VPS13B: variants seen among roughly 807,000 people sequenced by gnomAD.
VPS13B encodes intermembrane lipid transfer protein VPS13B.
In VPS13B, 285 loss-of-function variants were observed where a neutral mutation model predicts 426.4. That is an observed-to-expected ratio of 0.67 (90% CI 0.61 to 0.74). The LOEUF (loss-of-function observed/expected upper bound fraction) is 0.74, where lower values mean the gene tolerates loss of function less well. Ranked by LOEUF, VPS13B falls within the 30% of genes least tolerant of loss-of-function variation. The probability of loss-of-function intolerance (pLI) is 0.00; values close to 1 mark genes in which losing one functional copy is unlikely to be tolerated. For synonymous variants in VPS13B, 1,676 were observed against 1,676.4 expected (o/e 1.00, Z 0.01); for missense variants, 4,537 against 4,782.6 (o/e 0.95, Z 1.51).
intron 3 of VPS13B, among the ~76,000 whole-genome samples, chr8:99,064,956 A>G (rs2132311763): frequency 6.6e-6 from 1 of 152,352 alleles, no homozygotes; most frequent in South Asian, 2.1e-4. Context: ...CCAATATTCA[A>G]CATTCTTAAA....
At chr8:99,858,457 C>T (rs1305297523) in intron 56 of VPS13B, among the ~76,000 whole-genome samples, 1 of 152,184 alleles carries the variant, frequency 6.6e-6, no homozygotes, top group African/African-American at 2.4e-5. Context: ...TCACTAACCT[C>T]ATCAGAATGT....
At position 99,720,882 on chromosome 8, in the gene VPS13B, G is replaced by A. The variant is rs1588654731; in HGVS notation, c.6885G>A (p.Gly2295=). ...TGACAGAATCTTTGAAATTGCCTGG[G>A]GTCTATGAAGTCTTATTTTATAATG... ...VQDAESLKLP[G]VYEVLFYNET... The change falls in exon 39 of 62, where the codon GGG becomes GGA. Residue 2295 remains glycine, a synonymous_variant. Coordinates refer to ENST00000357162, the MANE Select transcript of VPS13B (RefSeq NM_152564.5). 6.2e-7 allele frequency: 1 copy of A among 1,613,428 alleles called. No individual in the cohort carries two copies. The highest frequency in any genetic ancestry group is 8.5e-7 in the Non-Finnish European group (1 of 1,179,782).
At chr8:99,689,405 G>A (rs1474383760) in intron 35 of VPS13B, among the ~76,000 whole-genome samples, 2 of 152,152 alleles carry the variant, frequency 1.3e-5, no homozygotes, top group Non-Finnish European at 2.9e-5. Context: ...ATATCAGTAG[G>A]TGCCTGGTAA....
rs1163063921 is a variant in VPS13B, at chr8:99,114,532, T to G, written c.763-1168T>G. Reference sequence around the variant, plus strand: ...CAGTGCTATTGGTGCAATACAAGATTTAAAAGAATGTGACAGAGGAATTTC... The same window carrying G: ...CAGTGCTATTGGTGCAATACAAGATGTAAAAGAATGTGACAGAGGAATTTC... On this transcript the variant is annotated intron_variant, in intron 6 of 61. Transcript: ENST00000357162. 2.6e-5 allele frequency among the ~76,000 whole-genome samples: 4 copies of G among 152,200 alleles called. No homozygotes were observed. In the East Asian group the frequency reaches 5.8e-4, roughly 22 times the overall value.
chr8:99,691,591 C>T (rs959577507), intron 35 of VPS13B, among the ~76,000 whole-genome samples: 1 of 151,304 alleles, frequency 6.6e-6, no homozygotes, highest in Non-Finnish European at 1.5e-5. Context: ...CAAAATCATG[C>T]CAAAATGTAA....
At chr8:99,436,915 A>G (rs1311109869) in intron 22 of VPS13B, among the ~76,000 whole-genome samples, 3 of 151,738 alleles carry the variant, frequency 2.0e-5, no homozygotes, top group Non-Finnish European at 4.4e-5. Flanking sequence ...ATTTTTTTGT[A>G]TTTTTAGTAG....
intron 20 of VPS13B, among the ~76,000 whole-genome samples, chr8:99,385,276 A>G (rs1814052949): frequency 6.6e-6 from 1 of 152,194 alleles, no homozygotes; most frequent in Admixed American, 6.5e-5. Flanking sequence ...AGAATTTTTG[A>G]GGCCAAATTC....
intron 16 of VPS13B, among the ~76,000 whole-genome samples, chr8:99,187,007 T>TA (rs920650874): frequency 3.8e-4 from 58 of 152,058 alleles, no homozygotes; most frequent in Middle Eastern, 3.4e-3. Context: ...GACCTGCTTG[T>TA]AAAAAAAATG....
At chr8:99,074,892 T>C (rs7341605) in intron 3 of VPS13B, among the ~76,000 whole-genome samples, 125,613 of 152,062 alleles carry the variant, frequency 0.83, 52,396 homozygotes, top group South Asian at 0.89. Flanking sequence ...CTGCCTCTGC[T>C]TCCCAAAGTG....
chr8:99,546,829 T>G (rs1483962554), intron 30 of VPS13B, among the ~76,000 whole-genome samples: 1 of 152,052 alleles, frequency 6.6e-6, no homozygotes, highest in African/African-American at 2.4e-5. Context: ...GGGAGATATC[T>G]TTGTTAGAAT....
chr8:99,090,267 CTTT>C (rs1205594894), intron 3 of VPS13B, among the ~76,000 whole-genome samples: 2 of 136,118 alleles, frequency 1.5e-5, no homozygotes, highest in African/African-American at 2.7e-5. Context: ...TAATCATAAA[CTTT>C]TTTTTTTTTT....
At chr8:99,193,648 C>T (rs1006962256) in intron 17 of VPS13B, among the ~76,000 whole-genome samples, 10 of 152,034 alleles carry the variant, frequency 6.6e-5, no homozygotes, top group Non-Finnish European at 5.9e-5. Context: ...GTCAGTAACA[C>T]AAAAGTAGTT....
chr8:99,633,138 T>G (rs563264688), intron 33 of VPS13B, among the ~76,000 whole-genome samples: 4 of 152,054 alleles, frequency 2.6e-5, no homozygotes, highest in Non-Finnish European at 5.9e-5. Flanking sequence ...TTCATTTCCA[T>G]GAATCCTACA....
chr8:99,259,953 C>T (rs1215967113), intron 17 of VPS13B, among the ~76,000 whole-genome samples: 1 of 151,852 alleles, frequency 6.6e-6, no homozygotes, highest in African/African-American at 2.4e-5. Flanking sequence ...ATATCAGAAA[C>T]AGTATAAAAG....
chr8:99,636,879 A>C (rs1290422978), intron 33 of VPS13B, among the ~76,000 whole-genome samples: 2 of 152,096 alleles, frequency 1.3e-5, no homozygotes, highest in Non-Finnish European at 2.9e-5. Flanking sequence ...CATATGGAAC[A>C]GAGGACCGAA....
At chr8:99,280,555 CA>C (rs1291044376) in intron 19 of VPS13B, among the ~76,000 whole-genome samples, 1 of 152,166 alleles carries the variant, frequency 6.6e-6, no homozygotes, top group African/African-American at 2.4e-5. Context: ...ACATTTATGA[CA>C]GATGTTCAAG....
At chr8:99,718,207 G>A (rs939585675) in intron 37 of VPS13B, among the ~76,000 whole-genome samples, 1 of 151,916 alleles carries the variant, frequency 6.6e-6, no homozygotes. Context: ...AACCTCCTGA[G>A]TGGGTAGAAC....
At chr8:99,513,854 G>T (rs1268366725) in intron 29 of VPS13B, among the ~76,000 whole-genome samples, 1 of 152,098 alleles carries the variant, frequency 6.6e-6, no homozygotes, top group African/African-American at 2.4e-5. Context: ...TTTAAAATGG[G>T]TATCTAATAA....
At chr8:99,534,757 C>T (rs1053017223) in intron 30 of VPS13B, among the ~76,000 whole-genome samples, 3 of 152,158 alleles carry the variant, frequency 2.0e-5, no homozygotes, top group Non-Finnish European at 4.4e-5. Context: ...CATTGTGCTA[C>T]TGTCTTAAGT....
Sources: allele counts gnomAD v4.1 joint callset (sites outside exome capture counted in the v4.1 genomes callset), GRCh38; gene constraint gnomAD v4.1.1; transcripts MANE v1.5; gene names NCBI Gene and HGNC (gene_info 2026-07-23, HGNC 2026-07-21).